CHRDL1: variants seen among roughly 807,000 people sequenced by gnomAD.
CHRDL1 encodes chordin-like protein 1.
In CHRDL1, 19 loss-of-function variants were observed where a neutral mutation model predicts 40.9. The observed-to-expected ratio is 0.46, with a 90% CI of 0.32 to 0.68. The LOEUF is 0.68. CHRDL1 is among the 30% of genes least tolerant of loss of function. The probability of loss-of-function intolerance (pLI) is 0.03; values close to 1 mark genes in which losing one functional copy is unlikely to be tolerated. For synonymous variants in CHRDL1, 136 were observed against 123.4 expected, an observed-to-expected ratio of 1.10 and a Z score of -0.68; for missense variants, 329 against 352.1, an observed-to-expected ratio of 0.93 and a Z score of 0.53.
At position 110,674,490 on chromosome X, in the gene CHRDL1, CACACACACACACACAA is replaced by C. The variant is rs2069734694; in HGVS notation, c.*1725_*1740del. The C allele has an allele frequency of 9.2e-6, 1 of 108,818 alleles. No homozygotes were observed. The highest frequency in any genetic ancestry group is 1.9e-5 in the Non-Finnish European group (1 of 52,263). The allele number at this position is 108,818 out of a possible 1,213,427, so 9.0% of individuals were successfully genotyped here. A position where few individuals can be genotyped will look rare whatever the true frequency, so the allele number is the denominator to read the frequency against. On this transcript the variant is annotated 3_prime_UTR_variant, in exon 12 of 12. Transcript: ENST00000372042. ...ACACACACACACACACACACACACA[CACACACACACACACAA>C]ACTAATGCTTTGTGACCTCTCAACC...
chrX:110,760,910 C>G (rs1242632270), intron 3 of CHRDL1, among the ~76,000 whole-genome samples: 1 of 111,167 alleles, frequency 9.0e-6, no homozygotes, highest in Non-Finnish European at 1.9e-5. Flanking sequence ...TGAAGCACAT[C>G]AGAAACCACA....
At position 110,727,677 on chromosome X, in the gene CHRDL1, C is replaced by T. The variant is rs147789501; in HGVS notation, c.302-6147G>A. On this transcript the variant is annotated intron_variant, in intron 4 of 11. Coordinates refer to ENST00000372042, the MANE Select transcript of CHRDL1 (RefSeq NM_001143981.2). ...ATAAATTAAAACTGCAATGAAATAC[C>T]ATTTTTCTTAGCAGATTTAGAAAAA... is the stretch of plus-strand genomic sequence containing the variant. Among the ~76,000 whole-genome samples, 792 of 111,865 alleles carry T rather than the reference C, an allele frequency of 7.1e-3. 8 individuals are homozygous for T. Among genetic ancestry groups the T allele is most frequent in the African/African-American group, 0.023 (720 of 30,872 alleles).
chrX:110,755,644 A>G (rs73528256), intron 4 of CHRDL1, among the ~76,000 whole-genome samples: 2,781 of 112,011 alleles, frequency 0.025, 86 homozygotes, highest in African/African-American at 0.085. Flanking sequence ...TGGGGTATAC[A>G]GTTTGCTTAT....
rs937323067 is a variant in CHRDL1, at chrX:110,699,125, T to C, written c.609+1529A>G. 3.6e-5 allele frequency among the ~76,000 whole-genome samples: 4 copies of C among 112,211 alleles called. No homozygotes were observed. In the Admixed American group the frequency reaches 3.8e-4, roughly 11 times the overall value. On this transcript the variant is annotated intron_variant, in intron 7 of 11. Transcript: ENST00000372042. ...TGATTTTTTGAGATGTCCAGAGTAC[T>C]GTTCTCCAAACCCCTTTCCCCAATT... is the stretch of plus-strand genomic sequence containing the variant.
rs369234942 is a variant in CHRDL1 at position 110,774,429 on chromosome X, C to T, written c.95-11622G>A. ...CAAAGAAAAATATCACATGATCCCA[C>T]TTATATGTGGTATCTTTTTTTTTTT... On this transcript the variant is annotated intron_variant, in intron 2 of 11. Transcript: ENST00000372042. Among the ~76,000 whole-genome samples, 97 of 110,753 alleles carry T rather than the reference C, an allele frequency of 8.8e-4. 2 individuals carry two copies. The highest frequency in any genetic ancestry group is 3.2e-3 in the African/African-American group (97 of 30,500).
chrX:110,738,692 A>C (rs925161394), intron 4 of CHRDL1, among the ~76,000 whole-genome samples: 1 of 106,721 alleles, frequency 9.4e-6, no homozygotes, highest in Non-Finnish European at 1.9e-5. Flanking sequence ...TAGTGAGCCG[A>C]CACTGCGCCA....
At chrX:110,726,350 A>G (rs1302087880) in intron 4 of CHRDL1, among the ~76,000 whole-genome samples, 1 of 111,741 alleles carries the variant, frequency 8.9e-6, no homozygotes, top group East Asian at 2.8e-4. Flanking sequence ...TTTTAATAGA[A>G]GAGGCCTGTG....
intron 4 of CHRDL1, among the ~76,000 whole-genome samples, chrX:110,737,863 G>A (rs1332540383): frequency 4.5e-5 from 5 of 111,534 alleles, no homozygotes; most frequent in African/African-American, 1.6e-4. Flanking sequence ...TACAACTACA[G>A]TAGTTCTCAA....
chrX:110,700,594 G>T, intron 7 of CHRDL1, 60 bp downstream of exon 7: 1 of 769,950 alleles, frequency 1.3e-6, no homozygotes, highest in Non-Finnish European at 2.0e-6. Flanking sequence ...TAGCCACGAG[G>T]AGAGGAAAGC....
In CHRDL1 at chrX:110,674,457, C is replaced by CCACATACACACACACACACACA. The variant is rs796243093; in HGVS notation, c.*1773_*1774insTGTGTGTGTGTGTGTGTATGTG. 4 of 78,937 alleles carry CCACATACACACACACACACACA rather than the reference C, an allele frequency of 5.1e-5. No homozygotes were observed. The highest frequency in any genetic ancestry group is 1.0e-4 in the African/African-American group (2 of 19,210). The allele number at this position is 78,937 out of a possible 1,213,427, so 6.5% of individuals were successfully genotyped here. ...GCCGCATAACACCTTCCCCCCTTTA[C>CCACATACACACACACACACACA]CACACACACACACACACACACACAC... is the stretch of plus-strand genomic sequence containing the variant. On this transcript the variant is annotated 3_prime_UTR_variant, in exon 12 of 12. Transcript: ENST00000372042.
chrX:110,713,007 G>T (rs1345623552), intron 6 of CHRDL1, among the ~76,000 whole-genome samples: 21 of 111,344 alleles, frequency 1.9e-4, no homozygotes, highest in Non-Finnish European at 9.4e-5. Context: ...AGAAGTTGGG[G>T]ATCCCAGGAG....
intron 6 of CHRDL1, among the ~76,000 whole-genome samples, chrX:110,702,943 T>G (rs1478067540): frequency 8.9e-6 from 1 of 112,211 alleles, no homozygotes; most frequent in African/African-American, 3.2e-5. Context: ...CAATAAATAC[T>G]AAAACACTGT....
At chrX:110,685,812 A>G (rs781299188) in intron 9 of CHRDL1, among the ~76,000 whole-genome samples, 1 of 109,885 alleles carries the variant, frequency 9.1e-6, no homozygotes, top group Admixed American at 9.7e-5. Context: ...TGCAGCAAAA[A>G]TTCTTATTTG....
chrX:110,710,631 CATGATGA>C (rs1279933258), intron 6 of CHRDL1, among the ~76,000 whole-genome samples: 1,492 of 111,957 alleles, frequency 0.013, 13 homozygotes, highest in Admixed American at 0.031. Flanking sequence ...CAAGAAGGAA[CATGATGA>C]CCTTAGAGGG....
chrX:110,729,237 T>C (rs2148474376), intron 4 of CHRDL1, among the ~76,000 whole-genome samples: 1 of 112,078 alleles, frequency 8.9e-6, no homozygotes, highest in East Asian at 2.8e-4. Context: ...ACATTTTCCT[T>C]GGGATGCTCC....
At position 110,708,025 on chromosome X, in the gene CHRDL1, C is replaced by T. The variant is rs142550396; in HGVS notation, c.542-7304G>A. Reference sequence around the variant, plus strand: ...TCTCAAAAGAAGACATTTATATGGCCCACAAACATATGAAAAAGAGCTCAT... The same window carrying T: ...TCTCAAAAGAAGACATTTATATGGCTCACAAACATATGAAAAAGAGCTCAT... On this transcript the variant is annotated intron_variant, in intron 6 of 11. Transcript: ENST00000372042. Among the ~76,000 whole-genome samples the T allele has an allele frequency of 7.7e-3, 861 of 111,251 alleles. 8 individuals carry two copies. Among genetic ancestry groups the T allele is most frequent in the African/African-American group, 0.027 (826 of 30,570 alleles).
intron 2 of CHRDL1, among the ~76,000 whole-genome samples, chrX:110,788,204 T>A (rs1467635741): frequency 8.9e-6 from 1 of 112,230 alleles, no homozygotes. Context: ...CAATGCACTA[T>A]CAGTATTTTC....
chrX:110,744,155 A>G (rs1470981525), intron 4 of CHRDL1, among the ~76,000 whole-genome samples: 1 of 112,226 alleles, frequency 8.9e-6, no homozygotes, highest in Admixed American at 9.4e-5. Context: ...GTGCATTTTT[A>G]AAAAATCAAA....
intron 2 of CHRDL1, among the ~76,000 whole-genome samples, chrX:110,785,740 CT>C (rs1188755715): frequency 8.9e-6 from 1 of 111,799 alleles, no homozygotes; most frequent in African/African-American, 3.3e-5. Context: ...TTTCCCTATA[CT>C]TTTATGTACC....
Sources: gnomAD v4.1 joint callset for allele counts (sites outside exome capture counted in the v4.1 genomes callset) on GRCh38, gnomAD v4.1.1 for gene constraint, MANE v1.5 for transcripts, NCBI Gene and HGNC (gene_info 2026-07-23, HGNC 2026-07-21) for gene names.